PKHD1: variants seen among roughly 807,000 people sequenced by gnomAD.
The protein encoded by PKHD1 is fibrocystin.
In PKHD1, 291 loss-of-function variants were observed where a neutral mutation model predicts 412.0. That is an observed-to-expected ratio of 0.71 (90% CI 0.64 to 0.78). PKHD1 has a LOEUF of 0.78. PKHD1 is among the 30% of genes least tolerant of loss of function. PKHD1 has a pLI of 0.00. For missense variants in PKHD1, 4,825 were observed against 4,950.7 expected, an observed-to-expected ratio of 0.97 and a Z score of 0.76; for synonymous variants, 1,777 against 1,821.5, an observed-to-expected ratio of 0.98 and a Z score of 0.62.
rs528381880 is a variant in PKHD1 at position 51,760,449 on chromosome 6, A to G, written c.8643-5511T>C. Among the ~76,000 whole-genome samples, 10 of 152,264 alleles carry G rather than the reference A, an allele frequency of 6.6e-5. No homozygotes were observed. The East Asian group carries it at 9.6e-4, about 15-fold the overall frequency. ...TTAAAATTACAAATCATAAAATCAC[A>G]TCTTACGTTCAGATGATGGGAAAAT... On this transcript the variant is annotated intron_variant, in intron 55 of 66. Coordinates refer to ENST00000371117, the MANE Select transcript of PKHD1 (RefSeq NM_138694.4).
At chr6:51,703,636 A>C (rs760809341) in intron 60 of PKHD1, among the ~76,000 whole-genome samples, 5 of 152,028 alleles carry the variant, frequency 3.3e-5, no homozygotes, top group Admixed American at 6.6e-5. Context: ...TACCAAAGCC[A>C]CATACTTATT....
In PKHD1 at chr6:51,725,820, T is replaced by C. The variant is rs546778837; in HGVS notation, c.10156+18565A>G. On this transcript the variant is annotated intron_variant, in intron 60 of 66. Coordinates refer to ENST00000371117, the MANE Select transcript of PKHD1 (RefSeq NM_138694.4). ...TGTCATTTTAACCCTTGCAGGGTTGTGCTAGGGGGCTAAACAATTACAGTC... is the reference window on the plus strand; with the variant it reads ...TGTCATTTTAACCCTTGCAGGGTTGCGCTAGGGGGCTAAACAATTACAGTC... Among the ~76,000 whole-genome samples, 11 of 152,322 alleles carry C rather than the reference T, an allele frequency of 7.2e-5. No homozygotes were observed. In the South Asian group the frequency reaches 1.9e-3, roughly 26 times the overall value.
chr6:51,850,442 A>G (rs1172951586), intron 49 of PKHD1, among the ~76,000 whole-genome samples: 1 of 152,190 alleles, frequency 6.6e-6, no homozygotes, highest in Non-Finnish European at 1.5e-5. Flanking sequence ...TGTCAGTGGT[A>G]GTTTGATGGG....
rs2151550155 is a variant in PKHD1 at position 51,836,475 on chromosome 6, T to C, written c.8108-6A>G. On this transcript the variant is annotated splice_region_variant and splice_polypyrimidine_tract_variant and intron_variant, in intron 50 of 66. Transcript: ENST00000371117. The stretch of plus-strand genomic sequence containing the variant: ...AACTTGGCCTTCACCTGAAACTAAA[T>C]ACCAAAAGCCACAACTTGCATGTGA... The C allele has an allele frequency of 6.2e-7, 1 of 1,606,180 alleles. No homozygotes were observed.
chr6:51,977,681 C>T (rs1794638501), intron 35 of PKHD1, among the ~76,000 whole-genome samples: 1 of 152,222 alleles, frequency 6.6e-6, no homozygotes, highest in Admixed American at 6.5e-5. Flanking sequence ...TCTAAGCCAG[C>T]TCCACTACCT....
intron 35 of PKHD1, among the ~76,000 whole-genome samples, chr6:51,996,169 CTTT>C (rs11392839): frequency 2.0e-5 from 2 of 98,948 alleles, no homozygotes; most frequent in East Asian, 5.8e-4. Flanking sequence ...CGACGCCTGG[CTTT>C]TTTTTTTTTT....
rs951523423 is a variant in PKHD1, at chr6:51,903,918, C to T, written c.6865+68G>A. 4.6e-6 allele frequency: 5 copies of T among 1,091,506 alleles called. No homozygotes were observed. The African/African-American group carries it at 6.5e-5, about 14-fold the overall frequency. 67.6% of individuals were successfully genotyped at this position (1,091,506 alleles called of 1,614,324 possible). On this transcript the variant is annotated intron_variant, in intron 42 of 66. Transcript: ENST00000371117. ...AGAGACCTAACATTTTGCCATCAGG[C>T]TTGTCTATAAAATATATGACAATTT...
chr6:51,725,750 G>A (rs1782499410), intron 60 of PKHD1, among the ~76,000 whole-genome samples: 1 of 152,128 alleles, frequency 6.6e-6, no homozygotes, highest in South Asian at 2.1e-4. Context: ...GTGTATTGCC[G>A]AGAGCTTCAA....
intron 35 of PKHD1, among the ~76,000 whole-genome samples, chr6:51,972,821 T>G (rs1793868425): frequency 6.6e-6 from 1 of 152,154 alleles, no homozygotes; most frequent in African/African-American, 2.4e-5. Context: ...TGAGCAACAT[T>G]AGAGGTAAAC....
At chr6:52,058,665 A>G (rs1808182153) in intron 15 of PKHD1, 64 bp from the exon 16 acceptor site, 4 of 1,515,612 alleles carry the variant, frequency 2.6e-6, no homozygotes, top group South Asian at 2.2e-5. Flanking sequence ...TTTCTCAAAC[A>G]CTAAGTGTCT....
At chr6:51,674,256 G>A (rs1328761613) in intron 60 of PKHD1, among the ~76,000 whole-genome samples, 1 of 152,158 alleles carries the variant, frequency 6.6e-6, no homozygotes, top group Admixed American at 6.5e-5. Flanking sequence ...AGAGCTGTAG[G>A]TACAGATATA....
intron 60 of PKHD1, among the ~76,000 whole-genome samples, chr6:51,697,175 G>A (rs75683636): frequency 0.16 from 18,238 of 116,846 alleles, 1,665 homozygotes; most frequent in Admixed American, 0.4. Context: ...GTGAGACTCC[G>A]TCTCAAATAA....
At chr6:51,707,386 A>T (rs1416856987) in intron 60 of PKHD1, among the ~76,000 whole-genome samples, 3 of 152,174 alleles carry the variant, frequency 2.0e-5, no homozygotes, top group Non-Finnish European at 4.4e-5. Flanking sequence ...AGGTGAACAG[A>T]GTACAGGCTG....
chr6:51,753,385 C>A (rs544619560), intron 56 of PKHD1, 32 bp from the exon 57 acceptor site: 3 of 1,584,518 alleles, frequency 1.9e-6, no homozygotes, highest in East Asian at 2.2e-5. Context: ...GAAAAAAAAA[C>A]TTTAAAAACC....
intron 35 of PKHD1, 26 bp from the exon 36 acceptor site, chr6:51,960,052 G>GGGTTGGTT (rs759826377): frequency 1.2e-6 from 2 of 1,612,254 alleles, no homozygotes; most frequent in Non-Finnish European, 1.7e-6. Flanking sequence ...CTGGGTTGGT[G>GGGTTGGTT]GGTTGGTTGG....
At chr6:51,867,256 G>A (rs749833516) in intron 48 of PKHD1, among the ~76,000 whole-genome samples, 1 of 152,156 alleles carries the variant, frequency 6.6e-6, no homozygotes. Flanking sequence ...AAATTAAAGA[G>A]GGCAGGAGCA....
In PKHD1 at chr6:51,775,881, C is replaced by T; in HGVS notation, c.8481G>A (p.Leu2827=). 6.3e-7 allele frequency: 1 copy of T among 1,599,012 alleles called. No homozygotes were observed. Among genetic ancestry groups the T allele is most frequent in the Non-Finnish European group, 8.6e-7 (1 of 1,167,286 alleles). Residue 2827 remains leucine (L), a synonymous_variant, in exon 54 of 67, where the codon CTG becomes CTA. Transcript: ENST00000371117. Reference sequence around the variant, plus strand: ...CTCCCTCTGAGGCTCTAAGGAGAATCAGAAGCTTTTGTTCCTTTTCTAAGG... The same window carrying T: ...CTCCCTCTGAGGCTCTAAGGAGAATTAGAAGCTTTTGTTCCTTTTCTAAGG... ...ENPLEKEQKL[L]ILLRASEGVF...
At chr6:51,721,257 A>G in intron 60 of PKHD1, 1 of 949,132 alleles carries the variant, frequency 1.1e-6, no homozygotes, top group Non-Finnish European at 1.3e-6. Flanking sequence ...TACCACACCA[A>G]TATTCTTGGT....
rs965413197 is a variant in PKHD1 at position 52,073,635 on chromosome 6, T to A, written c.449-94A>T. ...TTTCTTTTTGGTTGTATATACTCAA[T>A]ATGGCAAAGCAGGTCATGGCCCAGA... On this transcript the variant is annotated intron_variant, in intron 6 of 66. Transcript: ENST00000371117. The A allele has an allele frequency of 1.4e-5, 11 of 787,966 alleles. No individual in the cohort carries two copies. In the Admixed American group the frequency reaches 2.0e-4, roughly 14 times the overall value. The allele number at this position is 787,966 out of a possible 1,614,324, so 48.8% of individuals were successfully genotyped here. A position where few individuals can be genotyped will look rare whatever the true frequency, so the allele number is the denominator to read the frequency against.
Sources: allele counts gnomAD v4.1 joint callset (sites outside exome capture counted in the v4.1 genomes callset), GRCh38; gene constraint gnomAD v4.1.1; transcripts MANE v1.5; gene names NCBI Gene and HGNC (gene_info 2026-07-23, HGNC 2026-07-21).